Variants in TENM4 observed in about 807,000 individuals in gnomAD.
The protein encoded by TENM4 is teneurin-4.
In TENM4, 82 loss-of-function variants were observed where a neutral mutation model predicts 243.3. The ratio of observed to expected loss-of-function variants is 0.34; its 90% confidence interval spans 0.28 to 0.40. The LOEUF (loss-of-function observed/expected upper bound fraction) is 0.40. Among genes scored for constraint, TENM4 ranks in the 10% least tolerant of loss-of-function variants. The pLI is 1.00. For missense variants in TENM4, 3,138 were observed against 3,673.3 expected (o/e 0.85, Z 3.77); for synonymous variants, 1,412 against 1,456.3 (o/e 0.97, Z 0.69).
intron 18 of TENM4, among the ~76,000 whole-genome samples, chr11:78,760,127 G>A (rs1273678694): frequency 2.0e-5 from 3 of 152,182 alleles, no homozygotes; most frequent in African/African-American, 4.8e-5. Context: ...GGGGTTGTCT[G>A]ATTCATTTCA....
intron 3 of TENM4, among the ~76,000 whole-genome samples, chr11:79,204,536 C>T (rs912850620): frequency 1.3e-5 from 2 of 152,152 alleles, no homozygotes; most frequent in Non-Finnish European, 2.9e-5. Context: ...GGAATTGAAA[C>T]AGTAGGATAC....
chr11:79,419,100 C>T (rs532612707), intron 1 of TENM4, among the ~76,000 whole-genome samples: 111 of 152,250 alleles, frequency 7.3e-4, no homozygotes, highest in African/African-American at 2.5e-3. Flanking sequence ...TGACAGAAGC[C>T]CACGAGGGCA....
At chr11:78,736,736 C>T (rs1855807002) in intron 20 of TENM4, among the ~76,000 whole-genome samples, 1 of 152,156 alleles carries the variant, frequency 6.6e-6, no homozygotes, top group African/African-American at 2.4e-5. Flanking sequence ...ACTAAGAGAA[C>T]AATTGATAAC....
intron 4 of TENM4, among the ~76,000 whole-genome samples, chr11:79,075,767 C>A: frequency 2.0e-5 from 3 of 152,344 alleles, no homozygotes; most frequent in Admixed American, 2.0e-4. Context: ...GGCAGGGACT[C>A]GGCCTGTCAG....
chr11:79,213,783 C>A (rs1224311561), intron 3 of TENM4, among the ~76,000 whole-genome samples: 2 of 152,116 alleles, frequency 1.3e-5, no homozygotes, highest in East Asian at 3.9e-4. Flanking sequence ...TTTCATGTCA[C>A]TATTACAAGT....
At chr11:78,686,290 G>T (rs1386423359) in intron 29 of TENM4, among the ~76,000 whole-genome samples, 1 of 152,214 alleles carries the variant, frequency 6.6e-6, no homozygotes, top group Non-Finnish European at 1.5e-5. Flanking sequence ...AGGGGTGAAG[G>T]TGATGTGCCT....
Position 78,923,255 on chromosome 11 carries a change from GC to G in TENM4, c.494-19733del, listed in dbSNP as rs777573280. On this transcript the variant is annotated intron_variant, in intron 6 of 33. Transcript: ENST00000278550. ...ATTCTGAAAAAATTTTGAACCAAGG[GC>G]CCTGTATTTTCATTCTGCCTGGGGC... Among the ~76,000 whole-genome samples the G allele has an allele frequency of 1.5e-4, 23 of 152,230 alleles. No individual in the cohort carries two copies. In the South Asian group the frequency reaches 4.8e-3, roughly 32 times the overall value.
chr11:79,172,095 G>T (rs905654239), intron 3 of TENM4, among the ~76,000 whole-genome samples: 3 of 152,148 alleles, frequency 2.0e-5, no homozygotes, highest in Non-Finnish European at 2.9e-5. Flanking sequence ...GGGACTACAG[G>T]CACGTGCCAC....
intron 1 of TENM4, among the ~76,000 whole-genome samples, chr11:79,384,834 G>A (rs954710473): frequency 4.7e-4 from 71 of 152,052 alleles, no homozygotes; most frequent in Admixed American, 3.3e-4. Flanking sequence ...GCTAAGGCAG[G>A]AGAATCTCTT....
intron 14 of TENM4, among the ~76,000 whole-genome samples, chr11:78,809,249 G>A (rs891952149): frequency 6.6e-6 from 1 of 152,198 alleles, no homozygotes; most frequent in Non-Finnish European, 1.5e-5. Flanking sequence ...AAGATCAGAA[G>A]GAACTGACGA....
intron 1 of TENM4, among the ~76,000 whole-genome samples, chr11:79,424,806 C>T (rs1446874269): frequency 2.6e-5 from 4 of 151,790 alleles, no homozygotes; most frequent in East Asian, 1.9e-4. Flanking sequence ...TGGTGGCGGA[C>T]GCCTATTGTC....
At chr11:79,350,694 C>G in intron 1 of TENM4, among the ~76,000 whole-genome samples, 1 of 151,834 alleles carries the variant, frequency 6.6e-6, no homozygotes, top group Non-Finnish European at 1.5e-5. Context: ...CTCACCTCAG[C>G]TTCCCAAAGT....
chr11:79,299,395 C>A (rs745648094), intron 1 of TENM4, among the ~76,000 whole-genome samples: 1 of 152,302 alleles, frequency 6.6e-6, no homozygotes, highest in Admixed American at 6.5e-5. Context: ...GCCCCAGGAG[C>A]GCACTCAGTT....
intron 1 of TENM4, among the ~76,000 whole-genome samples, chr11:79,310,209 T>A (rs576582303): frequency 1.3e-5 from 2 of 152,244 alleles, no homozygotes; most frequent in Non-Finnish European, 2.9e-5. Context: ...TGAAGAACAA[T>A]GCCTGATGTC....
intron 6 of TENM4, among the ~76,000 whole-genome samples, chr11:78,905,666 C>T (rs1856044839): frequency 1.3e-5 from 2 of 152,188 alleles, no homozygotes; most frequent in Admixed American, 1.3e-4. Flanking sequence ...GGAGGGTCCC[C>T]AGGAAGGTGA....
At chr11:79,277,792 C>A (rs1274350009) in intron 2 of TENM4, among the ~76,000 whole-genome samples, 3 of 152,110 alleles carry the variant, frequency 2.0e-5, no homozygotes. Context: ...TTGGCCCTGA[C>A]TCTTGGAGTC....
chr11:78,979,752 C>T (rs1857750355), intron 6 of TENM4, among the ~76,000 whole-genome samples: 1 of 152,024 alleles, frequency 6.6e-6, no homozygotes, highest in African/African-American at 2.4e-5. Context: ...AGGAGACAGG[C>T]CATGTTCACA....
chr11:79,217,675 C>T (rs894472437), intron 2 of TENM4, among the ~76,000 whole-genome samples: 1 of 152,056 alleles, frequency 6.6e-6, no homozygotes, highest in Non-Finnish European at 1.5e-5. Flanking sequence ...TACAGAGTAT[C>T]CTGTTGGTAC....
chr11:79,316,433 G>T (rs1325357878), intron 1 of TENM4, among the ~76,000 whole-genome samples: 1 of 152,168 alleles, frequency 6.6e-6, no homozygotes, highest in Admixed American at 6.5e-5. Context: ...GGTACAGCTT[G>T]GCGAATGTAG....
Sources: allele counts gnomAD v4.1 joint callset (sites outside exome capture counted in the v4.1 genomes callset), GRCh38; gene constraint gnomAD v4.1.1; transcripts MANE v1.5; gene names NCBI Gene and HGNC (gene_info 2026-07-23, HGNC 2026-07-21).